The following PCSK5 variants were observed in gnomAD, a reference collection of about 807,000 sequenced individuals.
PCSK5 encodes proprotein convertase subtilisin/kexin type 5, also known as prohormone convertase 5.
Under a neutral mutation model 233.2 loss-of-function variants are expected in PCSK5, and 129 were observed. The ratio of observed to expected loss-of-function variants is 0.55; its 90% CI spans 0.48 to 0.64. The LOEUF (loss-of-function observed/expected upper bound fraction) is 0.64. Ranked by LOEUF, PCSK5 falls within the 30% of genes least tolerant of loss-of-function variation. The pLI is 0.00. For missense variants in PCSK5, 2,076 were observed against 2,430.1 expected (o/e 0.85, Z 3.06); for synonymous variants, 825 against 879.2 (o/e 0.94, Z 1.09).
chr9:75,915,636 C>T (rs531240581), intron 1 of PCSK5, among the ~76,000 whole-genome samples: 1 of 152,236 alleles, frequency 6.6e-6, no homozygotes, highest in South Asian at 2.1e-4. Flanking sequence ...CAGGCAATAT[C>T]CAGTGTTTGG....
rs141109164 is a variant in PCSK5, at chr9:76,178,624, G to A, written c.1901-972G>A. 6.2e-3 allele frequency among the ~76,000 whole-genome samples: 942 copies of A among 152,264 alleles called. 10 individuals carry two copies. Among genetic ancestry groups the A allele is most frequent in the African/African-American group, 0.021 (885 of 41,548 alleles). ...CATAATGACTCAAAGAAACCAAGGT[G>A]TAACAGTAAGTCCTTTGGGTTACAA... On this transcript the variant is annotated intron_variant, in intron 14 of 37. Coordinates refer to ENST00000674117, the MANE Select transcript of PCSK5 (RefSeq NM_001372043.1).
At chr9:75,924,528 C>T (rs1381686602) in intron 1 of PCSK5, among the ~76,000 whole-genome samples, 3 of 151,982 alleles carry the variant, frequency 2.0e-5, no homozygotes, top group Admixed American at 1.3e-4. Context: ...ACTTTATTGC[C>T]GGCATGGAAA....
intron 13 of PCSK5, among the ~76,000 whole-genome samples, chr9:76,172,572 T>A (rs1308418774): frequency 6.6e-6 from 1 of 152,262 alleles, no homozygotes; most frequent in East Asian, 1.9e-4. Flanking sequence ...TTCAAAGCAC[T>A]TAGAGGGTAA....
chr9:76,308,709 G>A lies in PCSK5; in HGVS notation c.3669G>A (p.Leu1223=), dbSNP rs539154695. 155 of 1,609,002 alleles carry A rather than the reference G, an allele frequency of 9.6e-5. 2 individuals carry two copies. The South Asian group carries it at 1.6e-3, about 17-fold the overall frequency. ...SCKTCNGSAT[L]CTSCPKGAYL... ...AAACCTGCAATGGATCTGCAACTCTGTGCACTTCATGTCCCAAAGGTTAGT... is the reference window on the plus strand; with the variant it reads ...AAACCTGCAATGGATCTGCAACTCTATGCACTTCATGTCCCAAAGGTTAGT... Residue 1223 remains leucine (L), a synonymous_variant, in exon 29 of 38, where the codon CTG becomes CTA. Transcript: ENST00000674117.
chr9:76,034,224 C>G (rs895552552), intron 5 of PCSK5, among the ~76,000 whole-genome samples: 4 of 152,038 alleles, frequency 2.6e-5, no homozygotes, highest in African/African-American at 9.7e-5. Flanking sequence ...CAATTAATTC[C>G]TCCTCTGTAG....
chr9:76,022,260 C>G (rs1327789320), intron 3 of PCSK5, among the ~76,000 whole-genome samples: 1 of 152,186 alleles, frequency 6.6e-6, no homozygotes, highest in Admixed American at 6.5e-5. Context: ...ATCTGCCTTG[C>G]GCACAGCCAT....
intron 30 of PCSK5, among the ~76,000 whole-genome samples, chr9:76,314,357 G>A (rs937322075): frequency 5.3e-5 from 8 of 151,136 alleles, no homozygotes; most frequent in Non-Finnish European, 5.9e-5. Flanking sequence ...TGATTATAGC[G>A]GAATCCCTCA....
At chr9:76,333,086 G>C (rs1265319844) in intron 34 of PCSK5, among the ~76,000 whole-genome samples, 1 of 152,214 alleles carries the variant, frequency 6.6e-6, no homozygotes, top group Non-Finnish European at 1.5e-5. Context: ...TGAGGCAGGG[G>C]ATGATCACTT....
intron 2 of PCSK5, among the ~76,000 whole-genome samples, chr9:75,945,336 A>T (rs1824515608): frequency 6.6e-6 from 1 of 152,050 alleles, no homozygotes; most frequent in African/African-American, 2.4e-5. Flanking sequence ...GAACAGAATC[A>T]TTCTTGATTC....
At chr9:76,324,260 T>A (rs1345951811) in intron 32 of PCSK5, among the ~76,000 whole-genome samples, 3 of 151,926 alleles carry the variant, frequency 2.0e-5, no homozygotes, top group Non-Finnish European at 2.9e-5. Flanking sequence ...AGATGGAGTC[T>A]CACTCTGTTG....
intron 20 of PCSK5, chr9:76,194,276 C>CA: frequency 6.6e-6 from 1 of 152,002 alleles, no homozygotes; most frequent in Non-Finnish European, 1.5e-5. Flanking sequence ...TTCCATTTGT[C>CA]ATGGTGGGAA....
At chr9:76,191,818 T>C (rs774635316) in intron 20 of PCSK5, among the ~76,000 whole-genome samples, 42 of 152,098 alleles carry the variant, frequency 2.8e-4, no homozygotes, top group Non-Finnish European at 6.0e-4. Flanking sequence ...CTCCCCTATT[T>C]CTGAATATGA....
At chr9:75,958,783 A>G (rs1825206628) in intron 2 of PCSK5, among the ~76,000 whole-genome samples, 1 of 152,000 alleles carries the variant, frequency 6.6e-6, no homozygotes, top group Non-Finnish European at 1.5e-5. Context: ...TGGTAATAAT[A>G]AGAACTCAGA....
intron 12 of PCSK5, among the ~76,000 whole-genome samples, chr9:76,160,307 G>C (rs1192992795): frequency 1.3e-5 from 2 of 152,160 alleles, no homozygotes; most frequent in Non-Finnish European, 2.9e-5. Context: ...CTTTTTGAGT[G>C]GTTGGGAGCA....
chr9:76,192,433 T>C (rs7868195), intron 20 of PCSK5, among the ~76,000 whole-genome samples: 16 of 152,344 alleles, frequency 1.1e-4, no homozygotes, highest in Middle Eastern at 3.4e-3. Context: ...CTAAGACATA[T>C]ATTTTTTACA....
chr9:76,282,823 G>T (rs1454724098), intron 24 of PCSK5, among the ~76,000 whole-genome samples: 1 of 152,028 alleles, frequency 6.6e-6, no homozygotes, highest in Non-Finnish European at 1.5e-5. Context: ...CATGTCCATG[G>T]GATTCACCAT....
chr9:76,180,087 G>GTGTATATATATATATATATA (rs543361179), intron 15 of PCSK5, among the ~76,000 whole-genome samples: 9 of 132,610 alleles, frequency 6.8e-5, no homozygotes, highest in Admixed American at 3.0e-4. Context: ...GTGTGTGTGT[G>GTGTATATATATATATATATA]TATATATATA....
In PCSK5 at chr9:76,218,754, G is replaced by A. The variant is rs566407933; in HGVS notation, c.2627-8749G>A. ...AATTTCACACAGCTGGAGAAGGAAG[G>A]GACCCAAAAATGTAACCCAGGACGG... On this transcript the variant is annotated intron_variant, in intron 20 of 37. Coordinates refer to ENST00000674117, the MANE Select transcript of PCSK5 (RefSeq NM_001372043.1). 4.7e-5 allele frequency among the ~76,000 whole-genome samples: 7 copies of A among 149,474 alleles called. No homozygotes were observed. The South Asian group carries it at 1.3e-3, about 27-fold the overall frequency.
At chr9:76,110,730 G>A (rs1288854617) in intron 9 of PCSK5, among the ~76,000 whole-genome samples, 2 of 152,168 alleles carry the variant, frequency 1.3e-5, no homozygotes, top group Non-Finnish European at 2.9e-5. Context: ...AGAAAAAGAA[G>A]TGGAATGAAA....
Sources: allele counts gnomAD v4.1 joint callset (sites outside exome capture counted in the v4.1 genomes callset), GRCh38; gene constraint gnomAD v4.1.1; transcripts MANE v1.5; gene names NCBI Gene and HGNC (gene_info 2026-07-23, HGNC 2026-07-21).